Variants in SPTSSB observed in about 807,000 individuals in gnomAD.
SPTSSB encodes androgen down regulated in mouse prostate.
SPTSSB carries 6 observed loss-of-function variants against 7.7 expected under a neutral mutation model. The ratio of observed to expected loss-of-function variants is 0.78; its 90% CI spans 0.43 to 1.54. The LOEUF (loss-of-function observed/expected upper bound fraction) is 1.54. SPTSSB is among the 40% of genes most tolerant of loss of function. The probability of loss-of-function intolerance (pLI) is 0.01; values close to 1 mark genes in which losing one functional copy is unlikely to be tolerated. For synonymous variants in SPTSSB, 28 were observed against 29.7 expected, an observed-to-expected ratio of 0.94 and a Z score of 0.19; for missense variants, 91 against 93.0, an observed-to-expected ratio of 0.98 and a Z score of 0.09.
chr3:161,350,686 T>C (rs1447439766), intron 2 of SPTSSB, among the ~76,000 whole-genome samples: 2 of 152,184 alleles, frequency 1.3e-5, no homozygotes, highest in Non-Finnish European at 2.9e-5. Flanking sequence ...GTACAAGCCC[T>C]CCTTTAACTG....
intron 1 of SPTSSB, among the ~76,000 whole-genome samples, chr3:161,363,772 G>A (rs1015360742): frequency 6.6e-6 from 1 of 152,026 alleles, no homozygotes; most frequent in Non-Finnish European, 1.5e-5. Flanking sequence ...TCTTTACACA[G>A]TTTTCTAATC....
Position 161,355,429 on chromosome 3 carries a change from A to G in SPTSSB, c.-33+4373T>C, listed in dbSNP as rs553943208. 2.0e-5 allele frequency among the ~76,000 whole-genome samples: 3 copies of G among 152,354 alleles called. No individual in the cohort carries two copies. The East Asian group carries it at 5.8e-4, about 29-fold the overall frequency. On this transcript the variant is annotated intron_variant, in intron 2 of 2. Coordinates refer to ENST00000620149, the MANE Select transcript of SPTSSB (RefSeq NM_001040100.2). ...CATTCACAGAAGCATTATTCACAATAGTCAAAAGATGGAAGCAATCCAAAT... is the reference window on the plus strand; with the variant it reads ...CATTCACAGAAGCATTATTCACAATGGTCAAAAGATGGAAGCAATCCAAAT...
At chr3:161,368,043 G>T (rs1003014962) in intron 1 of SPTSSB, among the ~76,000 whole-genome samples, 2 of 152,204 alleles carry the variant, frequency 1.3e-5, no homozygotes, top group Non-Finnish European at 2.9e-5. Flanking sequence ...AATTCTAAGT[G>T]GAGAAAAGTT....
Position 161,345,761 on chromosome 3 carries a change from T to C in SPTSSB, c.*332A>G, listed in dbSNP as rs1260259965. ...GGGAGCACTTTAAGCATGATTCTGG[T>C]AGGTCTGTTAGGAGTCTATTTTCCA... On this transcript the variant is annotated 3_prime_UTR_variant, in exon 3 of 3. Transcript: ENST00000620149. 4.6e-6 allele frequency: 1 copy of C among 215,936 alleles called. No individual in the cohort carries two copies. The highest frequency in any genetic ancestry group is 5.3e-5 in the Admixed American group (1 of 18,786). The allele number at this position is 215,936 out of a possible 1,614,324, so 13.4% of individuals were successfully genotyped here.
chr3:161,365,702 T>A (rs1281838745), intron 1 of SPTSSB, among the ~76,000 whole-genome samples: 2 of 152,200 alleles, frequency 1.3e-5, no homozygotes, highest in African/African-American at 4.8e-5. Flanking sequence ...ATTTCTAACT[T>A]TATCTTTATT....
chr3:161,369,158 T>C (rs1715347570), intron 1 of SPTSSB, among the ~76,000 whole-genome samples: 1 of 152,156 alleles, frequency 6.6e-6, no homozygotes, highest in Non-Finnish European at 1.5e-5. Flanking sequence ...TCTATAGCGA[T>C]TGCACCATTT....
intron 2 of SPTSSB, among the ~76,000 whole-genome samples, chr3:161,351,274 G>A (rs1295217907): frequency 6.6e-6 from 1 of 152,120 alleles, no homozygotes; most frequent in Non-Finnish European, 1.5e-5. Flanking sequence ...GGGGACACTG[G>A]ATTCAGGGTA....
chr3:161,347,184 T>A (rs944745858), intron 2 of SPTSSB, among the ~76,000 whole-genome samples: 5 of 152,324 alleles, frequency 3.3e-5, no homozygotes, highest in Non-Finnish European at 7.3e-5. Context: ...TCTTAAATAC[T>A]CTTCATTTTT....
At chr3:161,362,385 C>T (rs1715049650) in intron 1 of SPTSSB, among the ~76,000 whole-genome samples, 1 of 152,104 alleles carries the variant, frequency 6.6e-6, no homozygotes, top group Admixed American at 6.6e-5. Flanking sequence ...GACTCCACCT[C>T]CCCATGACAG....
At chr3:161,353,615 A>C (rs1471324068) in intron 2 of SPTSSB, among the ~76,000 whole-genome samples, 1 of 152,114 alleles carries the variant, frequency 6.6e-6, no homozygotes, top group Non-Finnish European at 1.5e-5. Flanking sequence ...CACAAGCTGC[A>C]TCTTCATGTG....
chr3:161,351,341 A>G (rs1167155652), intron 2 of SPTSSB, among the ~76,000 whole-genome samples: 1 of 152,176 alleles, frequency 6.6e-6, no homozygotes, highest in African/African-American at 2.4e-5. Context: ...AACTGTCCTA[A>G]ACAATGAAGC....
At chr3:161,365,132 T>C (rs1457886949) in intron 1 of SPTSSB, among the ~76,000 whole-genome samples, 1 of 152,242 alleles carries the variant, frequency 6.6e-6, no homozygotes, top group East Asian at 1.9e-4. Context: ...GAGCAACTTA[T>C]GTTTCGGAAG....
chr3:161,369,314 C>CTTTCTTTCTCTTTCTTTCTT (rs1278233391), intron 1 of SPTSSB, among the ~76,000 whole-genome samples: 45 of 65,726 alleles, frequency 6.8e-4, no homozygotes, highest in African/African-American at 3.5e-3. Flanking sequence ...TTCTTTCTTT[C>CTTTCTTTCTCTTTCTTTCTT]TCTTTCTTTC....
intron 1 of SPTSSB, among the ~76,000 whole-genome samples, chr3:161,361,116 T>G (rs1714995311): frequency 6.6e-6 from 1 of 151,970 alleles, no homozygotes; most frequent in Non-Finnish European, 1.5e-5. Context: ...GAGAGAAGAT[T>G]TGGGGGGAGG....
At chr3:161,365,920 A>G (rs1232880951) in intron 1 of SPTSSB, among the ~76,000 whole-genome samples, 2 of 152,116 alleles carry the variant, frequency 1.3e-5, no homozygotes, top group African/African-American at 2.4e-5. Flanking sequence ...CAATCTGGTA[A>G]AGTGGAGACT....
chr3:161,347,655 T>A (rs1334895978), intron 2 of SPTSSB, among the ~76,000 whole-genome samples: 4 of 150,622 alleles, frequency 2.7e-5, no homozygotes, highest in African/African-American at 4.9e-5. Context: ...GCGGATCATC[T>A]GGGGCCTGGA....
At chr3:161,356,508 G>A (rs1169575907) in intron 2 of SPTSSB, among the ~76,000 whole-genome samples, 1 of 152,108 alleles carries the variant, frequency 6.6e-6, no homozygotes, top group Non-Finnish European at 1.5e-5. Context: ...GTTGTATAAG[G>A]AGCTGGTCAG....
At chr3:161,349,939 TCTC>T (rs2108155473) in intron 2 of SPTSSB, among the ~76,000 whole-genome samples, 1 of 152,284 alleles carries the variant, frequency 6.6e-6, no homozygotes, top group African/African-American at 2.4e-5. Context: ...TGAAGTTACA[TCTC>T]CTCTCTCAGA....
intron 2 of SPTSSB, among the ~76,000 whole-genome samples, chr3:161,353,656 C>T (rs1714642707): frequency 6.6e-6 from 1 of 152,106 alleles, no homozygotes; most frequent in African/African-American, 2.4e-5. Flanking sequence ...GATACAAAGA[C>T]ATGCAATTTC....
Sources: allele counts gnomAD v4.1 joint callset (sites outside exome capture counted in the v4.1 genomes callset), GRCh38; gene constraint gnomAD v4.1.1; transcripts MANE v1.5; gene names NCBI Gene and HGNC (gene_info 2026-07-23, HGNC 2026-07-21).